The following TRERF1 variants were observed in gnomAD, a reference collection of about 807,000 sequenced individuals.
TRERF1 encodes the protein transcriptional regulating factor 1.
In TRERF1, 27 loss-of-function variants were observed where a neutral mutation model predicts 122.9. The ratio of observed to expected loss-of-function variants is 0.22; its 90% CI spans 0.16 to 0.30. The LOEUF (loss-of-function observed/expected upper bound fraction) is 0.30. Ranked by LOEUF, TRERF1 falls within the 10% of genes least tolerant of loss-of-function variation. TRERF1 has a pLI of 1.00. For missense variants in TRERF1, 1,248 were observed against 1,560.3 expected (o/e 0.80, Z 3.37); for synonymous variants, 636 against 641.7 (o/e 0.99, Z 0.13).
chr6:42,430,487 T>C (rs1784325282), intron 2 of TRERF1, among the ~76,000 whole-genome samples: 2 of 152,230 alleles, frequency 1.3e-5, no homozygotes, highest in Non-Finnish European at 2.9e-5. Context: ...CTATGGCTCA[T>C]GCCTGTAATC....
intron 2 of TRERF1, among the ~76,000 whole-genome samples, chr6:42,370,495 A>T (rs1773574491): frequency 6.6e-6 from 1 of 152,226 alleles, no homozygotes; most frequent in Non-Finnish European, 1.5e-5. Flanking sequence ...AAGGCAAGGG[A>T]ATCACTTGAG....
chr6:42,326,554 G>A (rs1437406534), intron 3 of TRERF1, among the ~76,000 whole-genome samples: 2 of 152,208 alleles, frequency 1.3e-5, no homozygotes, highest in African/African-American at 4.8e-5. Flanking sequence ...ATATAATCCA[G>A]GAGGATGGGG....
At chr6:42,314,335 T>C (rs1762146209) in intron 3 of TRERF1, among the ~76,000 whole-genome samples, 1 of 152,230 alleles carries the variant, frequency 6.6e-6, no homozygotes, top group Non-Finnish European at 1.5e-5. Context: ...TCTACCCTGA[T>C]CGAACTCTTC....
intron 2 of TRERF1, 36 bp from the exon 3 acceptor site, chr6:42,363,115 C>G (rs891272363): frequency 4.6e-5 from 7 of 152,636 alleles, no homozygotes; most frequent in African/African-American, 1.7e-4. Flanking sequence ...GTCAGGACAT[C>G]TGGCTTCAGC....
chr6:42,426,782 A>AT (rs1783690192), intron 2 of TRERF1, among the ~76,000 whole-genome samples: 1 of 152,188 alleles, frequency 6.6e-6, no homozygotes, highest in African/African-American at 2.4e-5. Context: ...TAGGACAGAG[A>AT]TACGGCCCAC....
intron 3 of TRERF1, among the ~76,000 whole-genome samples, chr6:42,304,754 T>C (rs562045690): frequency 9.9e-5 from 15 of 152,250 alleles, no homozygotes; most frequent in Admixed American, 9.2e-4. Context: ...CATTGCCAAC[T>C]GTCTCTTGCA....
At chr6:42,280,641 C>G (rs912080738) in intron 4 of TRERF1, among the ~76,000 whole-genome samples, 5 of 152,114 alleles carry the variant, frequency 3.3e-5, no homozygotes, top group African/African-American at 1.2e-4. Context: ...GCCAGCCTTC[C>G]CAGGCAGATG....
chr6:42,323,579 C>T (rs1191580116), intron 3 of TRERF1, among the ~76,000 whole-genome samples: 7 of 152,098 alleles, frequency 4.6e-5, no homozygotes, highest in African/African-American at 1.7e-4. Flanking sequence ...GGAAAGATAC[C>T]TATGAAGCAA....
At chr6:42,330,671 A>AT (rs1033008673) in intron 3 of TRERF1, among the ~76,000 whole-genome samples, 3 of 152,048 alleles carry the variant, frequency 2.0e-5, no homozygotes, top group Admixed American at 6.6e-5. Context: ...ACATTGTTGT[A>AT]TTTTTTATTT....
chr6:42,343,057 T>C (rs962153079), intron 3 of TRERF1, among the ~76,000 whole-genome samples: 5 of 152,080 alleles, frequency 3.3e-5, no homozygotes, highest in East Asian at 1.9e-4. Context: ...CCACCTCACA[T>C]TGACTCATAT....
In TRERF1 at chr6:42,391,429, ATTATTTCCCAGCCG is replaced by A. The variant is rs150862498; in HGVS notation, c.-453-28364_-453-28351del. On this transcript the variant is annotated intron_variant, in intron 2 of 17. Transcript: ENST00000372922. ...AGCTAGACTGTTGCACCCATCTGCC[ATTATTTCCCAGCCG>A]GGGGGAACAATTCTGGGAGACAGGG... Among the ~76,000 whole-genome samples the A allele has an allele frequency of 5.3e-3, 813 of 152,262 alleles. 8 individuals are homozygous for A. The highest frequency in any genetic ancestry group is 0.018 in the African/African-American group (761 of 41,530).
At chr6:42,251,023 G>T in intron 13 of TRERF1, among the ~76,000 whole-genome samples, 1 of 136,732 alleles carries the variant, frequency 7.3e-6, no homozygotes. Flanking sequence ...TTGAGACAGG[G>T]TCTCACTCTG....
intron 4 of TRERF1, among the ~76,000 whole-genome samples, chr6:42,271,149 C>T (rs1374469206): frequency 6.7e-6 from 1 of 148,812 alleles, no homozygotes; most frequent in Non-Finnish European, 1.5e-5. Flanking sequence ...TGTGCCACTG[C>T]ACTCCAGGCT....
At position 42,232,907 on chromosome 6, in the gene TRERF1, G is replaced by C. The variant is rs369106373; in HGVS notation, c.3067-15C>G. ...GAGCTGAACACCTGGGGAAGAAAGG[G>C]AGTGACATGACATCTACAGTCCTGA... On this transcript the variant is annotated splice_polypyrimidine_tract_variant and intron_variant, in intron 16 of 17. Coordinates refer to ENST00000372922, the Ensembl canonical transcript of TRERF1. This position sits in a 1 kb window ranked among gnomAD's most constrained non-coding sequence, Gnocchi z 4.5. The C allele has an allele frequency of 2.2e-3, 3,535 of 1,580,218 alleles. 9 individuals are homozygous for C. Among genetic ancestry groups the C allele is most frequent in the Non-Finnish European group, 2.7e-3 (3,118 of 1,160,972 alleles).
intron 3 of TRERF1, among the ~76,000 whole-genome samples, chr6:42,318,562 C>A (rs1762876561): frequency 6.6e-6 from 1 of 152,164 alleles, no homozygotes; most frequent in Non-Finnish European, 1.5e-5. Context: ...TGGGTTAGGT[C>A]CCAAGAAGCA....
intron 4 of TRERF1, among the ~76,000 whole-genome samples, chr6:42,271,750 A>C (rs905288605): frequency 1.3e-5 from 2 of 152,236 alleles, no homozygotes; most frequent in African/African-American, 4.8e-5. Flanking sequence ...AACTCAAACC[A>C]GAAGAACATT....
At chr6:42,324,919 A>C (rs1218956858) in intron 3 of TRERF1, among the ~76,000 whole-genome samples, 2 of 152,216 alleles carry the variant, frequency 1.3e-5, no homozygotes, top group Non-Finnish European at 2.9e-5. Context: ...AATTAAACTA[A>C]GGAGCTTCTG....
chr6:42,285,217 C>G lies in TRERF1; in HGVS notation c.-258-15369G>C, dbSNP rs565036199. On this transcript the variant is annotated intron_variant, in intron 4 of 17. Transcript: ENST00000372922. ...CTTCACATCCCTTGTAAGTTGGATT[C>G]CTAGGTATTTTATTCTCTTTGAAGC... Among the ~76,000 whole-genome samples, 22 of 152,102 alleles carry G rather than the reference C, an allele frequency of 1.4e-4. No individual in the cohort carries two copies. The South Asian group carries it at 4.0e-3, about 27-fold the overall frequency.
At chr6:42,354,078 C>G (rs1434774734) in intron 3 of TRERF1, among the ~76,000 whole-genome samples, 1 of 152,118 alleles carries the variant, frequency 6.6e-6, no homozygotes, top group Non-Finnish European at 1.5e-5. Context: ...AGTGTAAGAG[C>G]TGGAATGTGG....
Sources: allele counts gnomAD v4.1 joint callset (sites outside exome capture counted in the v4.1 genomes callset), GRCh38; gene constraint gnomAD v4.1.1; non-coding constraint Gnocchi (gnomAD v3.1); transcripts MANE v1.5; gene names NCBI Gene and HGNC (gene_info 2026-07-23, HGNC 2026-07-21).